PDSS2: variants seen among roughly 807,000 people sequenced by gnomAD.
PDSS2 encodes decaprenyl diphosphate synthase subunit 2, also known as all trans-polyprenyl-diphosphate synthase PDSS2.
PDSS2 carries 31 observed loss-of-function variants against 44.5 expected under a neutral mutation model. The ratio of observed to expected loss-of-function variants is 0.70; its 90% CI spans 0.52 to 0.94. PDSS2 has a LOEUF of 0.94. PDSS2 is among the 40% of genes least tolerant of loss of function. The probability of loss-of-function intolerance (pLI) is 0.00; values close to 1 mark genes in which losing one functional copy is unlikely to be tolerated. For synonymous variants in PDSS2, 157 were observed against 180.3 expected, an observed-to-expected ratio of 0.87 and a Z score of 1.03; for missense variants, 452 against 482.2, an observed-to-expected ratio of 0.94 and a Z score of 0.59.
chr6:107,216,211 C>A (rs1217224232), intron 4 of PDSS2, among the ~76,000 whole-genome samples: 2 of 151,750 alleles, frequency 1.3e-5, no homozygotes, highest in African/African-American at 4.8e-5. Context: ...AGGTGGCTCA[C>A]ACCTGTAATC....
chr6:107,203,400 C>T (rs1772857069), intron 6 of PDSS2, among the ~76,000 whole-genome samples: 1 of 152,160 alleles, frequency 6.6e-6, no homozygotes, highest in Non-Finnish European at 1.5e-5. Flanking sequence ...TCTTCCCATT[C>T]TCATTGCCAA....
At chr6:107,222,873 A>T (rs1417771224) in intron 4 of PDSS2, among the ~76,000 whole-genome samples, 1 of 152,026 alleles carries the variant, frequency 6.6e-6, no homozygotes, top group Non-Finnish European at 1.5e-5. Flanking sequence ...TGGGAGGCCA[A>T]CATGTGAGGA....
At chr6:107,251,658 C>A (rs1351617668) in intron 3 of PDSS2, among the ~76,000 whole-genome samples, 2 of 152,124 alleles carry the variant, frequency 1.3e-5, no homozygotes, top group Non-Finnish European at 1.5e-5. Flanking sequence ...TTGGGAGGAA[C>A]AAAAGATGGA....
At chr6:107,397,908 A>C (rs1779998208) in intron 1 of PDSS2, among the ~76,000 whole-genome samples, 2 of 152,198 alleles carry the variant, frequency 1.3e-5, no homozygotes, top group Admixed American at 1.3e-4. Flanking sequence ...AATGTTTGGA[A>C]GAGAAGCATA....
chr6:107,426,372 A>G (rs1781004520), intron 1 of PDSS2, among the ~76,000 whole-genome samples: 1 of 152,232 alleles, frequency 6.6e-6, no homozygotes, highest in Non-Finnish European at 1.5e-5. Context: ...CAGAGGATGT[A>G]TGGAAATGCC....
At chr6:107,167,642 G>T (rs140099834) in intron 7 of PDSS2, among the ~76,000 whole-genome samples, 3 of 152,160 alleles carry the variant, frequency 2.0e-5, no homozygotes, top group Non-Finnish European at 1.5e-5. Flanking sequence ...TCTACACACT[G>T]CTTTAAATGT....
At chr6:107,366,555 GAAAC>G (rs1218828244) in intron 1 of PDSS2, among the ~76,000 whole-genome samples, 1 of 151,584 alleles carries the variant, frequency 6.6e-6, no homozygotes, top group Non-Finnish European at 1.5e-5. Context: ...AAACAATAAA[GAAAC>G]AAATCAATGA....
rs1391435665 is a variant in PDSS2 at position 107,459,206 on chromosome 6, G to C, written c.80C>G (p.Pro27Arg). 2 of 1,614,092 alleles carry C rather than the reference G, an allele frequency of 1.2e-6. No homozygotes were observed. Among genetic ancestry groups the C allele is most frequent in the Non-Finnish European group, 8.5e-7 (1 of 1,179,970 alleles). The change falls in exon 1 of 8, where the codon CCG becomes CGG. Residue 27 changes from proline to arginine, a missense_variant. Physicochemically the swap from Pro to Arg is moderately radical, Grantham distance 103 (BLOSUM62 -2). Transcript: ENST00000369037. This position sits in a 1 kb window ranked among gnomAD's most constrained non-coding sequence, Gnocchi z 4.3. ...SGSPRRLWWS[P>R]SLDTISSVGS... Reference sequence around the variant, plus strand: ...CACCGAGGAGATGGTGTCGAGGGACGGGGACCACCACAGGCGACGCGGGGA... The same window carrying C: ...CACCGAGGAGATGGTGTCGAGGGACCGGGACCACCACAGGCGACGCGGGGA...
intron 2 of PDSS2, among the ~76,000 whole-genome samples, chr6:107,305,455 G>A (rs968570393): frequency 7.2e-5 from 11 of 152,116 alleles, no homozygotes; most frequent in African/African-American, 1.9e-4. Context: ...TTTGTTATAA[G>A]AAAGCTCTGA....
chr6:107,358,830 G>A (rs990919632), intron 1 of PDSS2, among the ~76,000 whole-genome samples: 1 of 151,998 alleles, frequency 6.6e-6, no homozygotes, highest in African/African-American at 2.4e-5. Context: ...AGCACCCCCA[G>A]TTGTAATAGC....
At chr6:107,417,125 T>C (rs563624654) in intron 1 of PDSS2, among the ~76,000 whole-genome samples, 2 of 152,178 alleles carry the variant, frequency 1.3e-5, no homozygotes, top group South Asian at 4.2e-4. Context: ...TATAAGACAA[T>C]AATTTCACTA....
At chr6:107,445,034 CTA>C (rs1448537116) in intron 1 of PDSS2, among the ~76,000 whole-genome samples, 2 of 152,050 alleles carry the variant, frequency 1.3e-5, no homozygotes, top group Non-Finnish European at 1.5e-5. Context: ...AAAGAATCAT[CTA>C]TGTTTTAGAA....
intron 1 of PDSS2, among the ~76,000 whole-genome samples, chr6:107,413,936 C>T (rs951798989): frequency 5.3e-5 from 8 of 151,952 alleles, no homozygotes; most frequent in South Asian, 4.2e-4. Flanking sequence ...GTGAAGAGAG[C>T]GATTCAACAT....
chr6:107,364,660 TCCAGCCTTGGCCAGCC>T (rs1778907775), intron 1 of PDSS2, among the ~76,000 whole-genome samples: 1 of 152,150 alleles, frequency 6.6e-6, no homozygotes, highest in Non-Finnish European at 1.5e-5. Flanking sequence ...GGGAGTGGGC[TCCAGCCTTGGCCAGCC>T]CAGAAAGGGG....
intron 2 of PDSS2, among the ~76,000 whole-genome samples, chr6:107,284,276 T>C (rs1417484079): frequency 4.6e-5 from 7 of 152,184 alleles, no homozygotes. Flanking sequence ...AGCTTTTAAA[T>C]ATGCTTTTTT....
chr6:107,407,601 C>A (rs1780360209), intron 1 of PDSS2, among the ~76,000 whole-genome samples: 1 of 152,214 alleles, frequency 6.6e-6, no homozygotes, highest in African/African-American at 2.4e-5. Flanking sequence ...CACTTTACCA[C>A]AGGTGACATA....
rs78261938 is a variant in PDSS2, at chr6:107,412,796, T to G, written c.296+46194A>C. Among the ~76,000 whole-genome samples the G allele has an allele frequency of 3.9e-3, 591 of 152,352 alleles. 2 individuals are homozygous for G. Among genetic ancestry groups the G allele is most frequent in the Non-Finnish European group, 6.7e-3 (459 of 68,032 alleles). On this transcript the variant is annotated intron_variant, in intron 1 of 7. Transcript: ENST00000369037. ...ATTAAATTCTCCTCTGGTTTCATTTTTTTATATTTAAATCTCTGACCCATG... is the reference window on the plus strand; with the variant it reads ...ATTAAATTCTCCTCTGGTTTCATTTGTTTATATTTAAATCTCTGACCCATG...
chr6:107,308,784 T>TTGCTGC (rs570679746), intron 2 of PDSS2, among the ~76,000 whole-genome samples: 1 of 152,178 alleles, frequency 6.6e-6, no homozygotes, highest in Non-Finnish European at 1.5e-5. Context: ...TCCAGTCAGC[T>TTGCTGC]TGCTGCTGCT....
At chr6:107,197,066 T>G (rs952338531) in intron 6 of PDSS2, among the ~76,000 whole-genome samples, 9 of 152,128 alleles carry the variant, frequency 5.9e-5, no homozygotes, top group Non-Finnish European at 1.2e-4. Flanking sequence ...AATAAATTGG[T>G]AAGTATAAGT....
Sources: allele counts gnomAD v4.1 joint callset (sites outside exome capture counted in the v4.1 genomes callset), GRCh38; gene constraint gnomAD v4.1.1; non-coding constraint Gnocchi (gnomAD v3.1); transcripts MANE v1.5; gene names NCBI Gene and HGNC (gene_info 2026-07-23, HGNC 2026-07-21).